The following SNX31 variants were observed in gnomAD, a reference collection of about 807,000 sequenced individuals.
SNX31 encodes the protein sorting nexin-31.
In SNX31, 58 loss-of-function variants were observed where a neutral mutation model predicts 65.4. The observed-to-expected ratio is 0.89, with a 90% CI of 0.72 to 1.10. The LOEUF (loss-of-function observed/expected upper bound fraction) is 1.10, where lower values mean the gene tolerates loss of function less well. Ranked by LOEUF, SNX31 falls within the 50% of genes least tolerant of loss-of-function variation. SNX31 has a pLI of 0.00. For synonymous variants in SNX31, 181 were observed against 190.1 expected, an observed-to-expected ratio of 0.95 and a Z score of 0.39; for missense variants, 523 against 529.7, an observed-to-expected ratio of 0.99 and a Z score of 0.12.
upstream of SNX31, chr8:100,649,703 T>G: frequency 2.0e-6 from 1 of 494,364 alleles, no homozygotes; most frequent in African/African-American, 2.1e-5. Context: ...CGCCTCCCAG[T>G]CCCCGCCCCA....
rs183365877 is a variant in SNX31 at position 100,622,488 on chromosome 8, C to T, written c.322-4758G>A. On this transcript the variant is annotated intron_variant, in intron 4 of 13. Transcript: ENST00000311812. This position sits in a 1 kb window ranked among gnomAD's most constrained non-coding sequence, Gnocchi z 5.0. ...CCAACATGGTGAAACACTGTCTCTA[C>T]TAAAATACAGAAATTAGCTGGGCGT... 1.1e-3 allele frequency among the ~76,000 whole-genome samples: 168 copies of T among 151,978 alleles called. No individual in the cohort carries two copies. The highest frequency in any genetic ancestry group is 1.9e-3 in the Non-Finnish European group (130 of 67,968).
chr8:100,652,927 C>T (rs1453514192), upstream of SNX31, among the ~76,000 whole-genome samples: 1 of 152,162 alleles, frequency 6.6e-6, no homozygotes, highest in African/African-American at 2.4e-5. Context: ...ATCACCCCAA[C>T]AGTCAAGGCT....
chr8:100,593,027 T>C (rs1359530022), intron 10 of SNX31, among the ~76,000 whole-genome samples: 1 of 152,168 alleles, frequency 6.6e-6, no homozygotes, highest in Non-Finnish European at 1.5e-5. Flanking sequence ...TTTTTAGGGC[T>C]GGGGGGATAG....
At chr8:100,655,773 G>A (rs1168540503) in intron 1 of SNX31, among the ~76,000 whole-genome samples, 1 of 152,194 alleles carries the variant, frequency 6.6e-6, no homozygotes, top group Non-Finnish European at 1.5e-5. Context: ...TTTGAAGGTT[G>A]CAGCTGCTGG....
intron 5 of SNX31, 68 bp downstream of exon 5, chr8:100,617,552 A>G: frequency 8.9e-7 from 1 of 1,123,488 alleles, no homozygotes; most frequent in Non-Finnish European, 1.3e-6. Flanking sequence ...ACCGTATCCC[A>G]TTCTCTGCTT....
At chr8:100,651,949 C>T (rs1231329153), upstream of SNX31, among the ~76,000 whole-genome samples, 4 of 151,950 alleles carry the variant, frequency 2.6e-5, no homozygotes, top group South Asian at 2.1e-4. Flanking sequence ...ATCTGTACCA[C>T]GACTTGACAA....
Position 100,649,463 on chromosome 8 carries a change from C to A in SNX31, c.52G>T (p.Gly18Trp), listed in dbSNP as rs1396933610. 1.9e-6 allele frequency: 3 copies of A among 1,588,110 alleles called. No individual in the cohort carries two copies. The highest frequency in any genetic ancestry group is 1.8e-5 in the Admixed American group (1 of 55,726). The change falls in exon 1 of 14, where the codon GGG becomes TGG. Residue 18 changes from glycine to tryptophan, a missense_variant. Transcript: ENST00000311812. Reference sequence around the variant, plus strand: ...CCTGGGCGCACCACGTAGCGGCCCCCCAGCGCGTCGGACCGCTGCTGGGAC... The same window carrying A: ...CCTGGGCGCACCACGTAGCGGCCCCACAGCGCGTCGGACCGCTGCTGGGAC... ...PVSQQRSDAL[G>W]GRYVLYSVHL...
chr8:100,579,616 A>C (rs1813323898), intron 12 of SNX31, among the ~76,000 whole-genome samples: 1 of 152,160 alleles, frequency 6.6e-6, no homozygotes, highest in Non-Finnish European at 1.5e-5. Flanking sequence ...CTCACTATAT[A>C]ATAGAAACAT....
At chr8:100,627,374 CAG>C (rs1818112219) in intron 4 of SNX31, among the ~76,000 whole-genome samples, 1 of 151,992 alleles carries the variant, frequency 6.6e-6, no homozygotes, top group Non-Finnish European at 1.5e-5. Flanking sequence ...AACAAACAAA[CAG>C]AGATATACAA....
intron 2 of SNX31, among the ~76,000 whole-genome samples, chr8:100,639,328 G>C (rs1587057682): frequency 6.6e-6 from 1 of 152,328 alleles, no homozygotes; most frequent in Middle Eastern, 3.4e-3. Context: ...AAAAAGTGCT[G>C]ACCTAAGTCA....
chr8:100,599,340 T>C lies in SNX31; in HGVS notation c.774+1009A>G, dbSNP rs181276969. Among the ~76,000 whole-genome samples, 289 of 152,350 alleles carry C rather than the reference T, an allele frequency of 1.9e-3. 1 individual carries two copies. Among genetic ancestry groups the C allele is most frequent in the African/African-American group, 6.8e-3 (284 of 41,580 alleles). On this transcript the variant is annotated intron_variant, in intron 9 of 13. Transcript: ENST00000311812. ...AGGGCAGATATGTGTGAAGACTTGG[T>C]TGTGGTGTACACAGTTTGTAATTGC...
intron 4 of SNX31, among the ~76,000 whole-genome samples, chr8:100,620,918 G>A (rs1323214346): frequency 1.3e-5 from 2 of 152,066 alleles, no homozygotes; most frequent in Non-Finnish European, 2.9e-5. Context: ...AGGAGTTCGA[G>A]ACCAGCTTGG....
intron 7 of SNX31, among the ~76,000 whole-genome samples, chr8:100,611,365 G>A (rs753876963): frequency 3.3e-5 from 5 of 152,030 alleles, no homozygotes; most frequent in Non-Finnish European, 5.9e-5. Flanking sequence ...CCCTGGCCCC[G>A]CCCCTGGTTT....
At chr8:100,643,071 A>G (rs1294069636) in intron 2 of SNX31, among the ~76,000 whole-genome samples, 1 of 149,958 alleles carries the variant, frequency 6.7e-6, no homozygotes, top group Non-Finnish European at 1.5e-5. Context: ...GGCACTTGTA[A>G]TCCCAGGTAC....
intron 12 of SNX31, among the ~76,000 whole-genome samples, chr8:100,579,078 T>C (rs1813288180): frequency 6.6e-6 from 1 of 152,150 alleles, no homozygotes; most frequent in Admixed American, 6.5e-5. Context: ...ATTAACACTC[T>C]GATGTCTTAT....
intron 11 of SNX31, among the ~76,000 whole-genome samples, chr8:100,585,115 C>G (rs575130568): frequency 8.5e-5 from 13 of 152,214 alleles, no homozygotes; most frequent in Non-Finnish European, 1.6e-4. Flanking sequence ...TCATTAGTGC[C>G]AAGACACTCA....
At chr8:100,603,127 C>A (rs1388677982) in intron 8 of SNX31, among the ~76,000 whole-genome samples, 1 of 152,164 alleles carries the variant, frequency 6.6e-6, no homozygotes, top group Non-Finnish European at 1.5e-5. Flanking sequence ...GGCAGCTACC[C>A]ACCCCAAGGC....
intron 9 of SNX31, among the ~76,000 whole-genome samples, chr8:100,599,575 G>C (rs1368036565): frequency 6.6e-6 from 1 of 151,866 alleles, no homozygotes; most frequent in Non-Finnish European, 1.5e-5. Flanking sequence ...AATCTCAAAG[G>C]TCTGAGCCTT....
chr8:100,663,289 G>T (rs1464123683), exon 1 of SNX31: 1 of 152,160 alleles, frequency 6.6e-6, no homozygotes, highest in Non-Finnish European at 1.5e-5. Context: ...TGAAAATTAG[G>T]AATGTTTGAT....
Sources: gnomAD v4.1 joint callset for allele counts (sites outside exome capture counted in the v4.1 genomes callset) on GRCh38, gnomAD v4.1.1 for gene constraint, Gnocchi (gnomAD v3.1) non-coding constraint, MANE v1.5 for transcripts, NCBI Gene and HGNC (gene_info 2026-07-23, HGNC 2026-07-21) for gene names.